The following SEMA3E variants were observed in gnomAD, a reference collection of about 807,000 sequenced individuals.
SEMA3E encodes the protein semaphorin 3E.
A neutral mutation model predicts 93.6 loss-of-function variants in SEMA3E; 49 were observed. The ratio of observed to expected loss-of-function variants is 0.52; its 90% CI spans 0.42 to 0.66. The LOEUF is 0.66. Ranked by LOEUF, SEMA3E falls within the 30% of genes least tolerant of loss-of-function variation. The pLI, the probability that SEMA3E is intolerant of heterozygous loss-of-function variation, is 0.00. For synonymous variants in SEMA3E, 363 were observed against 330.7 expected (o/e 1.10, Z -1.06); for missense variants, 906 against 964.8 (o/e 0.94, Z 0.81).
rs920950163 is a variant in SEMA3E, at chr7:83,385,497, A to G, written c.1736-64T>C. 8.6e-6 allele frequency: 13 copies of G among 1,517,522 alleles called. No homozygotes were observed. In the African/African-American group the frequency reaches 1.6e-4, roughly 19 times the overall value. The allele number at this position is 1,517,522 out of a possible 1,614,324, so 94.0% of individuals were successfully genotyped here. On this transcript the variant is annotated intron_variant, in intron 15 of 16. Coordinates refer to ENST00000643230, the MANE Select transcript of SEMA3E (RefSeq NM_012431.3). ...TTTTATAGGTAAATAAATTTTTCAAACATTATTTAGATCCCTGCAGTAACA... is the reference window on the plus strand; with the variant it reads ...TTTTATAGGTAAATAAATTTTTCAAGCATTATTTAGATCCCTGCAGTAACA...
At chr7:83,371,406 G>T (rs1189442430) in intron 16 of SEMA3E, 1 of 152,084 alleles carries the variant, frequency 6.6e-6, no homozygotes, top group Non-Finnish European at 1.5e-5. Context: ...CACATATGTG[G>T]CAATCTGTGT....
intron 1 of SEMA3E, among the ~76,000 whole-genome samples, chr7:83,575,597 A>T (rs1359777183): frequency 6.6e-6 from 1 of 152,044 alleles, no homozygotes; most frequent in Non-Finnish European, 1.5e-5. Flanking sequence ...GTTTATTTTT[A>T]TGTCAGCCCC....
chr7:83,372,527 G>C, intron 16 of SEMA3E: 1 of 324,252 alleles, frequency 3.1e-6, no homozygotes, highest in Non-Finnish European at 5.6e-6. Flanking sequence ...GTTTTTTCAA[G>C]TTTGGTAAGT....
In SEMA3E at chr7:83,551,138, T is replaced by C. The variant is rs145119179; in HGVS notation, c.116-60864A>G. 6.8e-4 allele frequency among the ~76,000 whole-genome samples: 104 copies of C among 152,238 alleles called. 2 individuals carry two copies. The East Asian group carries it at 0.018, about 27-fold the overall frequency. ...GTGGCATTATCTAAACATTCATCCA[T>C]ATACCCTATGACCTACCAATTCACT... is the stretch of plus-strand genomic sequence containing the variant. On this transcript the variant is annotated intron_variant, in intron 1 of 16. Coordinates refer to ENST00000643230, the MANE Select transcript of SEMA3E (RefSeq NM_012431.3).
intron 1 of SEMA3E, among the ~76,000 whole-genome samples, chr7:83,500,911 C>T (rs943274192): frequency 1.3e-5 from 2 of 152,024 alleles, no homozygotes; most frequent in Non-Finnish European, 2.9e-5. Flanking sequence ...AAAATACTTT[C>T]ATGTATTCTA....
intron 1 of SEMA3E, among the ~76,000 whole-genome samples, chr7:83,618,459 G>T (rs958735156): frequency 6.6e-6 from 1 of 151,880 alleles, no homozygotes; most frequent in Non-Finnish European, 1.5e-5. Flanking sequence ...ATAAGAGTTT[G>T]TATTTAATAG....
chr7:83,632,858 C>T (rs1477267838), intron 1 of SEMA3E, among the ~76,000 whole-genome samples: 2 of 152,092 alleles, frequency 1.3e-5, no homozygotes, highest in Admixed American at 6.6e-5. Context: ...CCTTGTCAGG[C>T]AGTAATCTCT....
At chr7:83,520,249 A>C (rs1562816888) in intron 1 of SEMA3E, among the ~76,000 whole-genome samples, 1 of 152,234 alleles carries the variant, frequency 6.6e-6, no homozygotes, top group Admixed American at 6.6e-5. Flanking sequence ...AGTACAGTTG[A>C]AAAATTCCAT....
At chr7:83,632,124 C>T (rs886874016) in intron 1 of SEMA3E, among the ~76,000 whole-genome samples, 1 of 149,114 alleles carries the variant, frequency 6.7e-6, no homozygotes, top group African/African-American at 2.5e-5. Context: ...CATTGCACTC[C>T]AGCCTGGGCA....
At chr7:83,484,530 C>A (rs1374655479) in intron 2 of SEMA3E, among the ~76,000 whole-genome samples, 1 of 152,056 alleles carries the variant, frequency 6.6e-6, no homozygotes, top group Non-Finnish European at 1.5e-5. Context: ...GTTACTTTAC[C>A]AGTTCTGCAG....
At chr7:83,395,422 A>G (rs1788101808) in intron 12 of SEMA3E, among the ~76,000 whole-genome samples, 1 of 152,170 alleles carries the variant, frequency 6.6e-6, no homozygotes, top group Non-Finnish European at 1.5e-5. Context: ...TTATTCACAG[A>G]TTCTGTATTT....
At chr7:83,420,748 C>T (rs1275805527) in intron 4 of SEMA3E, among the ~76,000 whole-genome samples, 3 of 152,110 alleles carry the variant, frequency 2.0e-5, no homozygotes, top group African/African-American at 7.2e-5. Context: ...CAATAATTGG[C>T]ACTGGGATTG....
chr7:83,571,838 C>T (rs1339111208), intron 1 of SEMA3E, among the ~76,000 whole-genome samples: 1 of 152,110 alleles, frequency 6.6e-6, no homozygotes, highest in Non-Finnish European at 1.5e-5. Flanking sequence ...AAGACTCCAC[C>T]AAAAGGCTCC....
At chr7:83,594,005 G>A (rs1009536455) in intron 1 of SEMA3E, among the ~76,000 whole-genome samples, 4 of 152,084 alleles carry the variant, frequency 2.6e-5, no homozygotes, top group Non-Finnish European at 5.9e-5. Flanking sequence ...GTTAAAGAGT[G>A]TTTGTATTTG....
At chr7:83,531,164 C>T (rs981532836) in intron 1 of SEMA3E, among the ~76,000 whole-genome samples, 1 of 151,676 alleles carries the variant, frequency 6.6e-6, no homozygotes, top group Admixed American at 6.6e-5. Context: ...ATGTGCTTAC[C>T]ATTAAAATGA....
Position 83,460,286 on chromosome 7 carries a change from T to G in SEMA3E, c.456+6196A>C, listed in dbSNP as rs574672511. 3.2e-4 allele frequency among the ~76,000 whole-genome samples: 49 copies of G among 152,182 alleles called. No homozygotes were observed. In the South Asian group the frequency reaches 1.0e-2, roughly 31 times the overall value. On this transcript the variant is annotated intron_variant, in intron 4 of 16. Coordinates refer to ENST00000643230, the MANE Select transcript of SEMA3E (RefSeq NM_012431.3). ...AATCAGGTAAGCAGCCTCTTCTTAC[T>G]CTCTTCTCCAACCTCTCTCACTGTC...
chr7:83,457,750 G>A (rs536281966), intron 4 of SEMA3E, among the ~76,000 whole-genome samples: 11 of 151,970 alleles, frequency 7.2e-5, no homozygotes, highest in South Asian at 4.1e-4. Context: ...AAACTCCATC[G>A]TCTCCGTGCT....
chr7:83,536,123 G>A (rs1791406701), intron 1 of SEMA3E, among the ~76,000 whole-genome samples: 1 of 151,954 alleles, frequency 6.6e-6, no homozygotes, highest in South Asian at 2.1e-4. Context: ...TCTTTTATAT[G>A]TTGATGATGT....
At chr7:83,390,054 C>CACATATATACGCGTATAT (rs1787977993) in intron 14 of SEMA3E, among the ~76,000 whole-genome samples, 3 of 27,972 alleles carry the variant, frequency 1.1e-4, no homozygotes, top group African/African-American at 2.6e-4. Flanking sequence ...TGCGCGTATA[C>CACATATATACGCGTATAT]GTGTGCACAT....
Sources: gnomAD v4.1 joint callset for allele counts (sites outside exome capture counted in the v4.1 genomes callset) on GRCh38, gnomAD v4.1.1 for gene constraint, MANE v1.5 for transcripts, NCBI Gene and HGNC (gene_info 2026-07-23, HGNC 2026-07-21) for gene names.